The following MAGI3 variants were observed in gnomAD, a reference collection of about 807,000 sequenced individuals.
The protein encoded by MAGI3 is membrane-associated guanylate kinase, WW and PDZ domain-containing protein 3.
In MAGI3, 43 loss-of-function variants were observed where a neutral mutation model predicts 121.8. That is an observed-to-expected ratio of 0.35 (90% CI 0.28 to 0.46). The LOEUF is 0.46. Among genes scored for constraint, MAGI3 ranks in the 20% least tolerant of loss-of-function variants. The pLI is 1.00. For missense variants in MAGI3, 1,547 were observed against 1,797.3 expected (o/e 0.86, Z 2.52); for synonymous variants, 553 against 639.3 (o/e 0.86, Z 2.04).
Position 113,395,346 on chromosome 1 carries a change from A to G in MAGI3, c.316+3997A>G, listed in dbSNP as rs538118534. 5.3e-5 allele frequency among the ~76,000 whole-genome samples: 8 copies of G among 151,768 alleles called. No homozygotes were observed. In the South Asian group the frequency reaches 1.7e-3, roughly 32 times the overall value. On this transcript the variant is annotated intron_variant, in intron 1 of 20. Transcript: ENST00000307546. ...AGGGAAAGTAGCATTACATTTTGAT[A>G]AACCTTGAAGTTGAAAATTTCCTAT... is the stretch of plus-strand genomic sequence containing the variant.
chr1:113,619,331 C>T (rs1186870300), intron 7 of MAGI3, among the ~76,000 whole-genome samples: 1 of 152,120 alleles, frequency 6.6e-6, no homozygotes, highest in East Asian at 1.9e-4. Flanking sequence ...AAATTTCTTT[C>T]AAAGTGCCTT....
chr1:113,680,712 T>C (rs778863689), intron 19 of MAGI3, among the ~76,000 whole-genome samples: 4 of 151,842 alleles, frequency 2.6e-5, no homozygotes, highest in East Asian at 2.0e-4. Flanking sequence ...AGCCGAGGTC[T>C]CGCCACTGCA....
At chr1:113,671,561 A>G (rs1647551354) in intron 16 of MAGI3, among the ~76,000 whole-genome samples, 173 bp from the exon 17 acceptor site, 1 of 152,248 alleles carries the variant, frequency 6.6e-6, no homozygotes, top group African/African-American at 2.4e-5. Context: ...AGCCACAGGG[A>G]AAAAGATGTT....
intron 1 of MAGI3, among the ~76,000 whole-genome samples, chr1:113,461,857 G>A (rs1053086763): frequency 2.6e-5 from 4 of 151,968 alleles, no homozygotes; most frequent in African/African-American, 9.7e-5. Flanking sequence ...CATCTATAAA[G>A]AACTTAAGTA....
Position 113,683,338 on chromosome 1 carries a change from G to A in MAGI3, c.3770G>A (p.Ser1257Asn). 6.2e-7 allele frequency: 1 copy of A among 1,613,944 alleles called. No homozygotes were observed. The highest frequency in any genetic ancestry group is 8.5e-7 in the Non-Finnish European group (1 of 1,179,880). The change falls in exon 21 of 21, where the codon AGC becomes AAC. Residue 1257 changes from serine (S) to asparagine (N), a missense_variant. Coordinates refer to ENST00000307546, the MANE Select transcript of MAGI3 (RefSeq NM_001142782.2). ...AGAAGACCCAGAGATCAATCCCTCAGCCCCAGCAAAGGGGAAAATAAAAGT... is the reference window on the plus strand; with the variant it reads ...AGAAGACCCAGAGATCAATCCCTCAACCCCAGCAAAGGGGAAAATAAAAGT... ...PKRRPRDQSL[S>N]PSKGENKSCQ...
chr1:113,650,939 G>A, intron 13 of MAGI3, 75 bp from the exon 14 acceptor site: 2 of 1,342,216 alleles, frequency 1.5e-6, no homozygotes, highest in Non-Finnish European at 2.1e-6. Flanking sequence ...TTTGCACAAT[G>A]CTAAGTTAGG....
At chr1:113,623,389 T>C (rs1269671737) in intron 9 of MAGI3, among the ~76,000 whole-genome samples, 2 of 150,768 alleles carry the variant, frequency 1.3e-5, no homozygotes, top group East Asian at 3.9e-4. Flanking sequence ...GTCTTATTCA[T>C]TCCTTCTAGC....
intron 1 of MAGI3, among the ~76,000 whole-genome samples, chr1:113,512,232 C>G (rs1657650110): frequency 6.6e-6 from 1 of 152,096 alleles, no homozygotes; most frequent in African/African-American, 2.4e-5. Context: ...TTTATAAAAT[C>G]AAAGTCATAC....
intron 12 of MAGI3, among the ~76,000 whole-genome samples, chr1:113,647,902 G>C (rs1441986535): frequency 6.7e-6 from 1 of 149,444 alleles, no homozygotes; most frequent in Non-Finnish European, 1.5e-5. Context: ...CATAAAATAA[G>C]TGAGTTGAAC....
At chr1:113,480,675 C>T (rs1294043099) in intron 1 of MAGI3, among the ~76,000 whole-genome samples, 5 of 152,162 alleles carry the variant, frequency 3.3e-5, no homozygotes, top group Non-Finnish European at 4.4e-5. Context: ...CTGTCCTTAC[C>T]GTCTTCAGTG....
chr1:113,492,449 A>C (rs1656715431), intron 1 of MAGI3, among the ~76,000 whole-genome samples: 1 of 152,206 alleles, frequency 6.6e-6, no homozygotes, highest in Non-Finnish European at 1.5e-5. Flanking sequence ...TTCCCCTTGA[A>C]AACTTGCACA....
chr1:113,391,236 G>C lies in MAGI3; in HGVS notation c.203G>C (p.Gly68Ala). 5.1e-6 allele frequency: 8 copies of C among 1,567,310 alleles called. No homozygotes were observed. Among genetic ancestry groups the C allele is most frequent in the Non-Finnish European group, 6.9e-6 (8 of 1,157,034 alleles). ...GTCTCGGGCAAGGCGCCCAGCCCAG[G>C]CGATGTGCTGCTGGAGGTAAACGGG... is the stretch of plus-strand genomic sequence containing the variant. ...CVVSGKAPSP[G>A]DVLLEVNGTP... Residue 68 changes from glycine (G) to alanine (A), a missense_variant, in exon 1 of 21, where the codon GGC (glycine) becomes GCC (alanine). Gly to Ala is a moderately conservative substitution (Grantham distance 60). Coordinates refer to ENST00000307546, the MANE Select transcript of MAGI3 (RefSeq NM_001142782.2). The surrounding 1 kb of genome is among the most constrained non-coding windows in gnomAD (Gnocchi z 4.4).
chr1:113,672,890 G>A, intron 18 of MAGI3, 149 bp downstream of exon 18: 2 of 1,071,890 alleles, frequency 1.9e-6, no homozygotes, highest in Non-Finnish European at 2.6e-6. Context: ...CATTCTGCTG[G>A]CATTCATAGG....
intron 20 of MAGI3, among the ~76,000 whole-genome samples, chr1:113,682,016 C>G (rs1648248461): frequency 6.6e-6 from 1 of 152,042 alleles, no homozygotes. Context: ...TGCCCTACCC[C>G]ACCCCACCCC....
chr1:113,568,454 T>C (rs1277155401), intron 2 of MAGI3, among the ~76,000 whole-genome samples: 1 of 152,104 alleles, frequency 6.6e-6, no homozygotes. Flanking sequence ...TGTAATTCCA[T>C]AAAAATTTCA....
At chr1:113,536,259 A>G (rs1483851075) in intron 1 of MAGI3, among the ~76,000 whole-genome samples, 1 of 152,070 alleles carries the variant, frequency 6.6e-6, no homozygotes, top group Non-Finnish European at 1.5e-5. Context: ...TAAACTCACA[A>G]TTTAGAGATA....
At chr1:113,667,757 G>T (rs1169945471) in intron 16 of MAGI3, among the ~76,000 whole-genome samples, 1 of 152,138 alleles carries the variant, frequency 6.6e-6, no homozygotes, top group Non-Finnish European at 1.5e-5. Flanking sequence ...AGCTTTTGAC[G>T]TAAAGTGAGA....
At chr1:113,485,440 G>C (rs1656338252) in intron 1 of MAGI3, among the ~76,000 whole-genome samples, 1 of 152,086 alleles carries the variant, frequency 6.6e-6, no homozygotes, top group African/African-American at 2.4e-5. Flanking sequence ...TATGCTTGTT[G>C]GCCGTTTGTA....
Position 113,673,439 on chromosome 1 carries a change from C to T in MAGI3, c.3163C>T (p.Pro1055Ser), listed in dbSNP as rs1206310194. The T allele has an allele frequency of 6.2e-7, 1 of 1,612,858 alleles. No individual in the cohort carries two copies. The highest frequency in any genetic ancestry group is 8.5e-7 in the Non-Finnish European group (1 of 1,179,894). Residue 1055 changes from proline to serine, a missense_variant, in exon 19 of 21, where the codon CCT becomes TCT. Transcript: ENST00000307546. ...CATCCTTCGTCTTGCTGAAGATGGT[C>T]CTGCCATCAAAGATGGCAGAATTCA... ...LFILRLAEDG[P>S]AIKDGRIHVG...
Sources: gnomAD v4.1 joint callset for allele counts (sites outside exome capture counted in the v4.1 genomes callset) on GRCh38, gnomAD v4.1.1 for gene constraint, Gnocchi (gnomAD v3.1) non-coding constraint, MANE v1.5 for transcripts, NCBI Gene and HGNC (gene_info 2026-07-23, HGNC 2026-07-21) for gene names.